Variants in SCIN observed in about 807,000 individuals in gnomAD.
SCIN encodes scinderin.
A neutral mutation model predicts 91.8 loss-of-function variants in SCIN; 91 were observed. That is an observed-to-expected ratio of 0.99 (90% CI 0.84 to 1.18). The LOEUF (loss-of-function observed/expected upper bound fraction) is 1.18. Among genes scored for constraint, SCIN ranks in the 50% most tolerant of loss-of-function variants. SCIN has a pLI of 0.00. For synonymous variants in SCIN, 367 were observed against 312.6 expected, an observed-to-expected ratio of 1.17 and a Z score of -1.84; for missense variants, 1,087 against 863.9, an observed-to-expected ratio of 1.26 and a Z score of -3.24.
chr7:12,621,329 C>A (rs1303469440), intron 4 of SCIN, among the ~76,000 whole-genome samples: 1 of 152,064 alleles, frequency 6.6e-6, no homozygotes, highest in Admixed American at 6.6e-5. Context: ...TTTGCTAAAT[C>A]CCTTGGGTTC....
intron 3 of SCIN, among the ~76,000 whole-genome samples, chr7:12,590,417 G>A (rs779634481): frequency 1.3e-4 from 20 of 152,118 alleles, no homozygotes; most frequent in Non-Finnish European, 1.9e-4. Context: ...TCTTAGTGAG[G>A]TGAATAGATG....
At chr7:12,628,769 G>A (rs911631884) in intron 8 of SCIN, among the ~76,000 whole-genome samples, 27 of 152,142 alleles carry the variant, frequency 1.8e-4, no homozygotes, top group African/African-American at 6.5e-4. Context: ...CTATAAAATA[G>A]ATATATATTT....
intron 10 of SCIN, 78 bp from the exon 11 acceptor site, chr7:12,640,269 A>T: frequency 7.9e-7 from 1 of 1,261,106 alleles, no homozygotes; most frequent in Non-Finnish European, 1.1e-6. Context: ...AAGACAACAT[A>T]AGAACACATT....
In SCIN at chr7:12,640,500, A is replaced by T; in HGVS notation, c.1564A>T (p.Ile522Phe). 1 of 1,611,192 alleles carries T rather than the reference A, an allele frequency of 6.2e-7. No homozygotes were observed. The highest frequency in any genetic ancestry group is 8.5e-7 in the Non-Finnish European group (1 of 1,178,716). The stretch of plus-strand genomic sequence containing the variant: ...TCAAGTCCGGAGAAACCTGGCATCT[A>T]TCACCAGAATTGTGGAGGTAATGTC... Reference protein sequence around the residue: ...LFQVRRNLASITRIVEVDVDA... With the variant: ...LFQVRRNLASFTRIVEVDVDA... Residue 522 changes from isoleucine to phenylalanine, a missense_variant, in exon 11 of 16, where the codon ATC becomes TTC. Ile to Phe is a conservative substitution (Grantham distance 21). Coordinates refer to ENST00000297029, the MANE Select transcript of SCIN (RefSeq NM_001112706.3).
intron 3 of SCIN, among the ~76,000 whole-genome samples, chr7:12,582,519 T>G (rs1422545035): frequency 1.3e-5 from 2 of 152,192 alleles, no homozygotes; most frequent in African/African-American, 2.4e-5. Flanking sequence ...CCAGCTTGTG[T>G]GCAAAGTTGA....
chr7:12,640,231 A>G (rs1011048040), intron 10 of SCIN, 116 bp from the exon 11 acceptor site: 11 of 868,734 alleles, frequency 1.3e-5, no homozygotes, highest in Non-Finnish European at 1.5e-5. Context: ...CCTGCTCTTG[A>G]CTTTTTATTT....
chr7:12,597,363 G>C (rs1394616914), intron 3 of SCIN, among the ~76,000 whole-genome samples: 1 of 152,154 alleles, frequency 6.6e-6, no homozygotes, highest in African/African-American at 2.4e-5. Flanking sequence ...GAAGAAGTCT[G>C]GCCTCACGTT....
At chr7:12,620,615 A>C (rs922683044) in intron 4 of SCIN, among the ~76,000 whole-genome samples, 4 of 152,158 alleles carry the variant, frequency 2.6e-5, no homozygotes, top group African/African-American at 9.7e-5. Context: ...AACAGGAATC[A>C]GTGACTAACC....
Position 12,658,215 on chromosome 7 carries a change from T to C in SCIN, c.*5500T>C, listed in dbSNP as rs985910115. 3 of 152,240 alleles carry C rather than the reference T, an allele frequency of 2.0e-5. No homozygotes were observed. The highest frequency in any genetic ancestry group is 6.5e-5 in the Admixed American group (1 of 15,286). 9.4% of individuals were successfully genotyped at this position (152,240 alleles called of 1,614,324 possible). ...AACAAGAATAAGCAAATTTGAGTTT[T>C]CCTAATTATTTGACATTGTCATTAG... On this transcript the variant is annotated 3_prime_UTR_variant, in exon 16 of 16. Transcript: ENST00000297029.
chr7:12,644,225 G>A lies in SCIN; in HGVS notation c.1669G>A (p.Gly557Ser). 1 of 1,610,722 alleles carries A rather than the reference G, an allele frequency of 6.2e-7. No homozygotes were observed. Among genetic ancestry groups the A allele is most frequent in the Non-Finnish European group, 8.5e-7 (1 of 1,178,356 alleles). ...QNSGYIWVGK[G>S]ASQEEEKGAE... ...TAGTGGCTACATCTGGGTAGGAAAAGGTGCTAGCCAGGAGGAGGAGAAAGG... is the reference window on the plus strand; with the variant it reads ...TAGTGGCTACATCTGGGTAGGAAAAAGTGCTAGCCAGGAGGAGGAGAAAGG... The change falls in exon 12 of 16, where the codon GGT (glycine) becomes AGT (serine). Residue 557 changes from glycine to serine, a missense_variant. Physicochemically the swap from Gly to Ser is moderately conservative, Grantham distance 56 (BLOSUM62 0). Transcript: ENST00000297029.
intron 4 of SCIN, among the ~76,000 whole-genome samples, chr7:12,615,824 T>C (rs1379461176): frequency 1.3e-5 from 2 of 152,172 alleles, no homozygotes; most frequent in Non-Finnish European, 2.9e-5. Flanking sequence ...AATTTCATGC[T>C]TGGAAATTTT....
intron 2 of SCIN, among the ~76,000 whole-genome samples, chr7:12,578,909 G>GTTTTTTTTTTTTTTTTGTTTTTTTT: frequency 2.3e-5 from 2 of 85,898 alleles, no homozygotes; most frequent in African/African-American, 1.0e-4. Flanking sequence ...TATAGGACAG[G>GTTTTTTTTTTTTTTTTGTTTTTTTT]TTTTTTTTTT....
chr7:12,595,259 G>T (rs747469561), intron 3 of SCIN, among the ~76,000 whole-genome samples: 1 of 152,162 alleles, frequency 6.6e-6, no homozygotes, highest in Non-Finnish European at 1.5e-5. Flanking sequence ...CCCTGGGGTT[G>T]TTTGTGAGTT....
chr7:12,625,977 G>C, intron 7 of SCIN, 127 bp downstream of exon 7: 1 of 613,800 alleles, frequency 1.6e-6, no homozygotes, highest in Non-Finnish European at 2.8e-6. Context: ...CCACCTGCCT[G>C]TCTGCTGCAA....
In SCIN at chr7:12,611,186, G is replaced by T. The variant is rs924713330; in HGVS notation, c.666+6523G>T. On this transcript the variant is annotated intron_variant, in intron 4 of 15. Coordinates refer to ENST00000297029, the MANE Select transcript of SCIN (RefSeq NM_001112706.3). ...AACTCCAAGGATCTACACAGATGTA[G>T]TGCTTTATTACTGAGTCATCTAGTA... 4.6e-5 allele frequency: 7 copies of T among 152,182 alleles called. No individual in the cohort carries two copies. In the South Asian group the frequency reaches 6.2e-4, roughly 14 times the overall value. The allele number at this position is 152,182 out of a possible 1,614,324, so 9.4% of individuals were successfully genotyped here.
At chr7:12,577,561 C>G (rs1485184935) in intron 1 of SCIN, 8 of 456,066 alleles carry the variant, frequency 1.8e-5, no homozygotes, top group Non-Finnish European at 3.1e-5. Context: ...AAAGCAGAAA[C>G]AAAAACAGGC....
In SCIN at chr7:12,653,820, G is replaced by A. The variant is rs1014756757; in HGVS notation, c.*1105G>A. On this transcript the variant is annotated 3_prime_UTR_variant, in exon 16 of 16. Coordinates refer to ENST00000297029, the MANE Select transcript of SCIN (RefSeq NM_001112706.3). The surrounding 1 kb of genome is among the most constrained non-coding windows in gnomAD (Gnocchi z 4.1). ...TTTTGTCCTGCAAGATTTCAGCAAA[G>A]CTACAGAAAAGTGAGTTTTTATGTT... 22 of 152,154 alleles carry A rather than the reference G, an allele frequency of 1.4e-4. No individual in the cohort carries two copies. The highest frequency in any genetic ancestry group is 9.6e-4 in the East Asian group (5 of 5,196). The allele number at this position is 152,154 out of a possible 1,614,324, so 9.4% of individuals were successfully genotyped here.
chr7:12,585,465 A>G (rs1237384015), intron 3 of SCIN, among the ~76,000 whole-genome samples: 1 of 152,142 alleles, frequency 6.6e-6, no homozygotes, highest in East Asian at 1.9e-4. Context: ...TTCAACTACT[A>G]CCCATGAGTC....
At chr7:12,604,136 T>G (rs1399408949) in intron 3 of SCIN, among the ~76,000 whole-genome samples, 1 of 152,090 alleles carries the variant, frequency 6.6e-6, no homozygotes, top group Non-Finnish European at 1.5e-5. Context: ...ATGAATAGTT[T>G]TACAAAAATG....
Sources: gnomAD v4.1 joint callset for allele counts (sites outside exome capture counted in the v4.1 genomes callset) on GRCh38, gnomAD v4.1.1 for gene constraint, Gnocchi (gnomAD v3.1) non-coding constraint, MANE v1.5 for transcripts, NCBI Gene and HGNC (gene_info 2026-07-23, HGNC 2026-07-21) for gene names.